The following PCDHA5 variants were observed in gnomAD, a reference collection of about 807,000 sequenced individuals.
PCDHA5 encodes protocadherin alpha-5.
In PCDHA5, 43 loss-of-function variants were observed where a neutral mutation model predicts 61.6. The observed-to-expected ratio is 0.70, with a 90% CI of 0.55 to 0.90. The LOEUF (loss-of-function observed/expected upper bound fraction) is 0.90, where lower values mean the gene tolerates loss of function less well. Ranked by LOEUF, PCDHA5 falls within the 40% of genes least tolerant of loss-of-function variation. The pLI is 0.00. For missense variants in PCDHA5, 1,298 were observed against 1,222.7 expected (o/e 1.06, Z -0.92); for synonymous variants, 627 against 543.9 (o/e 1.15, Z -2.13).
chr5:140,906,786 A>G (rs1471436514), intron 1 of PCDHA5, among the ~76,000 whole-genome samples: 1 of 152,198 alleles, frequency 6.6e-6, no homozygotes, highest in Non-Finnish European at 1.5e-5. Flanking sequence ...GATCTTGTGT[A>G]TTCCATGCAT....
At chr5:140,861,849 T>G (rs2047107514) in intron 1 of PCDHA5, 1 of 156,218 alleles carries the variant, frequency 6.4e-6, no homozygotes, top group Non-Finnish European at 1.4e-5. Flanking sequence ...CTACTCTTGG[T>G]GCTCAAAGCA....
chr5:140,990,956 G>T (rs1179435982), intron 3 of PCDHA5, among the ~76,000 whole-genome samples: 1 of 152,136 alleles, frequency 6.6e-6, no homozygotes, highest in Non-Finnish European at 1.5e-5. Context: ...TGTAGAAATA[G>T]TCTCTTAGAA....
At chr5:140,990,742 G>A (rs947618929) in intron 3 of PCDHA5, among the ~76,000 whole-genome samples, 2 of 152,176 alleles carry the variant, frequency 1.3e-5, no homozygotes, top group African/African-American at 4.8e-5. Context: ...CAGCCCTAGG[G>A]TGGATACCTT....
At chr5:140,876,861 C>T (rs2056651575) in intron 1 of PCDHA5, 6 of 1,613,970 alleles carry the variant, frequency 3.7e-6, no homozygotes, top group African/African-American at 1.3e-5. Context: ...ACACAGTGTT[C>T]GTGAAGGAGA....
At chr5:140,912,130 T>A (rs1554195167) in intron 1 of PCDHA5, among the ~76,000 whole-genome samples, 1 of 152,156 alleles carries the variant, frequency 6.6e-6, no homozygotes, top group Non-Finnish European at 1.5e-5. Flanking sequence ...GTCAGTCTAA[T>A]CTCTCCATGT....
At chr5:140,995,629 T>C (rs1333793289) in intron 3 of PCDHA5, among the ~76,000 whole-genome samples, 1 of 152,164 alleles carries the variant, frequency 6.6e-6, no homozygotes, top group Admixed American at 6.5e-5. Context: ...TTGGAAACTT[T>C]GGAGTGTTTA....
At chr5:140,826,116 C>T (rs1316414484) in intron 1 of PCDHA5, among the ~76,000 whole-genome samples, 2 of 152,140 alleles carry the variant, frequency 1.3e-5, no homozygotes, top group Non-Finnish European at 2.9e-5. Flanking sequence ...TTATATATTC[C>T]TAATATCCTG....
At chr5:140,967,731 G>T in intron 1 of PCDHA5, 1 of 1,614,164 alleles carries the variant, frequency 6.2e-7, no homozygotes, top group African/African-American at 1.3e-5. Context: ...GTAATTGGGG[G>T]GCTGGATTAT....
chr5:140,872,003 A>G (rs1314439086), intron 1 of PCDHA5, among the ~76,000 whole-genome samples: 1 of 152,202 alleles, frequency 6.6e-6, no homozygotes, highest in South Asian at 2.1e-4. Context: ...GGCTATTTAC[A>G]GGTGACCTGT....
At chr5:141,001,607 A>G (rs1554258244) in intron 3 of PCDHA5, among the ~76,000 whole-genome samples, 1 of 152,078 alleles carries the variant, frequency 6.6e-6, no homozygotes, top group African/African-American at 2.4e-5. Flanking sequence ...AGGTTTGCCC[A>G]ATTCATAAAG....
chr5:140,998,070 G>T (rs2097795700), intron 3 of PCDHA5, among the ~76,000 whole-genome samples: 1 of 152,050 alleles, frequency 6.6e-6, no homozygotes, highest in Admixed American at 6.6e-5. Context: ...AACAGACTTA[G>T]CCTCTGCAGT....
chr5:140,947,668 T>A (rs2094160892), intron 1 of PCDHA5, among the ~76,000 whole-genome samples: 1 of 151,602 alleles, frequency 6.6e-6, no homozygotes, highest in Admixed American at 6.6e-5. Flanking sequence ...TACTTGGGTC[T>A]TTAAAAAATT....
At chr5:140,969,933 C>T (rs2096370749) in intron 1 of PCDHA5, among the ~76,000 whole-genome samples, 1 of 152,192 alleles carries the variant, frequency 6.6e-6, no homozygotes, top group South Asian at 2.1e-4. Context: ...ATTTAGACAT[C>T]ATACTGAAGC....
In PCDHA5 at chr5:140,822,279, A is replaced by G; in HGVS notation, c.504A>G (p.Arg168=). The change falls in exon 1 of 4, where the codon AGA becomes AGG. Residue 168 remains arginine, a synonymous_variant. Coordinates refer to ENST00000529859, the MANE Select transcript of PCDHA5 (RefSeq NM_018908.3). ...DLDIGANAQL[R]YRLNPNEYFD... The stretch of plus-strand genomic sequence containing the variant: ...ATATTGGAGCAAATGCACAATTGAG[A>G]TACAGGTTAAATCCAAACGAATATT... 6.2e-7 allele frequency: 1 copy of G among 1,614,250 alleles called. No homozygotes were observed. Among genetic ancestry groups the G allele is most frequent in the East Asian group, 2.2e-5 (1 of 44,890 alleles).
chr5:141,005,701 CAAAAAAAAA>C (rs59860837), intron 3 of PCDHA5, among the ~76,000 whole-genome samples: 2 of 7,784 alleles, frequency 2.6e-4, no homozygotes, highest in African/African-American at 4.7e-4. Context: ...AACTCCGTCT[CAAAAAAAAA>C]AAAAAAAAAA....
chr5:140,859,473 G>T (rs1486992699), intron 1 of PCDHA5: 1 of 209,794 alleles, frequency 4.8e-6, no homozygotes, highest in Non-Finnish European at 9.3e-6. Context: ...ACTATCAATT[G>T]TGTTTTCCTG....
At chr5:140,843,944 A>G in intron 1 of PCDHA5, 2 of 570,390 alleles carry the variant, frequency 3.5e-6, no homozygotes, top group Non-Finnish European at 6.2e-6. Flanking sequence ...GTTGGATGAT[A>G]TCCATTTTTT....
At chr5:140,826,663 A>C (rs1554130616) in intron 1 of PCDHA5, among the ~76,000 whole-genome samples, 1 of 152,182 alleles carries the variant, frequency 6.6e-6, no homozygotes, top group Non-Finnish European at 1.5e-5. Flanking sequence ...TTGCAAGTAA[A>C]TTGTAGACGT....
intron 1 of PCDHA5, chr5:140,883,909 C>T: frequency 6.2e-7 from 1 of 1,613,472 alleles, no homozygotes; most frequent in Non-Finnish European, 8.5e-7. Flanking sequence ...CTCTGGGCAG[C>T]AACGTGACGC....
Sources: gnomAD v4.1 joint callset for allele counts (sites outside exome capture counted in the v4.1 genomes callset) on GRCh38, gnomAD v4.1.1 for gene constraint, MANE v1.5 for transcripts, NCBI Gene and HGNC (gene_info 2026-07-23, HGNC 2026-07-21) for gene names.